CSTA: variants seen among roughly 807,000 people sequenced by gnomAD.
CSTA encodes the protein cystatin A.
A neutral mutation model predicts 9.2 loss-of-function variants in CSTA; 9 were observed. The observed-to-expected ratio is 0.97, with a 90% CI of 0.59 to 1.70. CSTA has a LOEUF of 1.70. Ranked by LOEUF, CSTA falls within the 40% of genes most tolerant of loss-of-function variation. The probability of loss-of-function intolerance (pLI) is 0.00; values close to 1 mark genes in which losing one functional copy is unlikely to be tolerated. For synonymous variants in CSTA, 36 were observed against 40.6 expected, an observed-to-expected ratio of 0.89 and a Z score of 0.43; for missense variants, 118 against 113.1, an observed-to-expected ratio of 1.04 and a Z score of -0.20.
chr3:122,332,849 T>C (rs538458490), intron 1 of CSTA, among the ~76,000 whole-genome samples: 21 of 152,322 alleles, frequency 1.4e-4, no homozygotes, highest in African/African-American at 4.1e-4. Flanking sequence ...CCAGCTGGCC[T>C]GCATCCTCCT....
chr3:122,333,193 G>C (rs1473982254), intron 1 of CSTA, among the ~76,000 whole-genome samples: 1 of 152,158 alleles, frequency 6.6e-6, no homozygotes, highest in Non-Finnish European at 1.5e-5. Context: ...TAAAGATTTG[G>C]ATATATTTCT....
Position 122,338,488 on chromosome 3 carries a change from G to T in CSTA, c.168+840G>T, listed in dbSNP as rs2075247836. 3.7e-5 allele frequency among the ~76,000 whole-genome samples: 4 copies of T among 108,308 alleles called. No individual in the cohort carries two copies. The East Asian group carries it at 8.5e-4, about 23-fold the overall frequency. 71.1% of individuals were successfully genotyped at this position (108,308 alleles called of 152,430 possible). On this transcript the variant is annotated intron_variant, in intron 2 of 2. Transcript: ENST00000264474. ...CTATTAAAATATAAACATTTTAAAA[G>T]ATTTTTTCAGCAAAAAAAAAAAAAA... is the stretch of plus-strand genomic sequence containing the variant.
chr3:122,333,172 G>A (rs1397221606), intron 1 of CSTA, among the ~76,000 whole-genome samples: 1 of 152,156 alleles, frequency 6.6e-6, no homozygotes, highest in South Asian at 2.1e-4. Flanking sequence ...ACACAGATAC[G>A]ATGGAAAAGT....
Position 122,341,616 on chromosome 3 carries a change from T to C in CSTA, c.*49T>C. On this transcript the variant is annotated 3_prime_UTR_variant, in exon 3 of 3. Transcript: ENST00000264474. ...ATTCCTTCAACTGGCTACTGAGTCA[T>C]GATCCTTGCTGATAAATATAACCAT... 1.2e-6 allele frequency: 2 copies of C among 1,605,640 alleles called. No individual in the cohort carries two copies. Among genetic ancestry groups the C allele is most frequent in the Non-Finnish European group, 1.7e-6 (2 of 1,172,824 alleles).
intron 1 of CSTA, among the ~76,000 whole-genome samples, chr3:122,333,591 G>GAAAGA (rs1476620388): frequency 5.4e-5 from 6 of 111,272 alleles, no homozygotes; most frequent in African/African-American, 6.8e-5. Context: ...AAGAAAGAAA[G>GAAAGA]AAGAAAGAGA....
intron 1 of CSTA, among the ~76,000 whole-genome samples, chr3:122,328,555 G>A (rs1271879305): frequency 1.3e-5 from 2 of 149,834 alleles, no homozygotes; most frequent in Admixed American, 6.7e-5. Flanking sequence ...CACCCCCAGT[G>A]TTTGACTGCC....
intron 1 of CSTA, among the ~76,000 whole-genome samples, chr3:122,337,243 T>C (rs1216271252): frequency 6.6e-6 from 1 of 152,242 alleles, no homozygotes; most frequent in Non-Finnish European, 1.5e-5. Flanking sequence ...TAGTAATTAT[T>C]GCTCCACTGA....
At chr3:122,325,966 A>T (rs570621252) in intron 1 of CSTA, among the ~76,000 whole-genome samples, 8 of 152,308 alleles carry the variant, frequency 5.3e-5, no homozygotes, top group Admixed American at 3.3e-4. Context: ...GGAAAAATAG[A>T]ACTCAATGTT....
At chr3:122,333,540 G>GAAGAAAGAAGAAAGA (rs2075216490) in intron 1 of CSTA, among the ~76,000 whole-genome samples, 1 of 112,078 alleles carries the variant, frequency 8.9e-6, no homozygotes, top group Non-Finnish European at 1.8e-5. Flanking sequence ...AGAAAAGAAA[G>GAAGAAAGAAGAAAGA]AAGAAAGAAA....
Position 122,325,317 on chromosome 3 carries a change from G to T in CSTA, c.25G>T (p.Ala9Ser), listed in dbSNP as rs2075164863. The change falls in exon 1 of 3, where the codon GCC becomes TCC. Residue 9 changes from alanine to serine, a missense_variant. By Grantham distance (99) the Ala-to-Ser change is moderately conservative. Transcript: ENST00000264474. ...AATGATACCTGGAGGCTTATCTGAG[G>T]CCAAACCCGCCACTCCAGAAATCCA... Reference protein sequence around the residue: MIPGGLSEAKPATPEIQEI... With the variant: MIPGGLSESKPATPEIQEI... 6.2e-7 allele frequency: 1 copy of T among 1,612,520 alleles called. No individual in the cohort carries two copies. Among genetic ancestry groups the T allele is most frequent in the East Asian group, 2.2e-5 (1 of 44,850 alleles).
chr3:122,336,846 C>T (rs1283298052), intron 1 of CSTA, among the ~76,000 whole-genome samples: 4 of 152,156 alleles, frequency 2.6e-5, no homozygotes, highest in African/African-American at 9.7e-5. Flanking sequence ...ATAATACTAA[C>T]ATAAGAGGAG....
chr3:122,329,157 G>A (rs1029682902), intron 1 of CSTA, among the ~76,000 whole-genome samples: 15 of 151,376 alleles, frequency 9.9e-5, no homozygotes, highest in South Asian at 2.1e-4. Flanking sequence ...TAGTAGAGAC[G>A]GGGTTTCACC....
intron 2 of CSTA, 26 bp downstream of exon 2, chr3:122,337,674 G>T: frequency 7.6e-7 from 1 of 1,322,314 alleles, no homozygotes; most frequent in Non-Finnish European, 1.1e-6. Context: ...CTACTTTAGC[G>T]CCAAAAGATG....
chr3:122,337,102 C>T (rs1488452136), intron 1 of CSTA, among the ~76,000 whole-genome samples: 1 of 152,136 alleles, frequency 6.6e-6, no homozygotes, highest in East Asian at 1.9e-4. Context: ...TTAATTTCCT[C>T]ATTTTGGTGA....
chr3:122,332,336 T>C (rs73186059), intron 1 of CSTA, among the ~76,000 whole-genome samples: 18,176 of 152,188 alleles, frequency 0.12, 1,391 homozygotes, highest in Middle Eastern at 0.26. Flanking sequence ...TCCTTCTTCC[T>C]TCAAAACATA....
rs1183822233 is a variant in CSTA at position 122,325,329 on chromosome 3, A to G, written c.37A>G (p.Thr13Ala). The G allele has an allele frequency of 6.2e-7, 1 of 1,614,186 alleles. No homozygotes were observed. The part of the protein sequence containing the change: ...PGGLSEAKPA[T>A]PEIQEIVDKV... ...AGGCTTATCTGAGGCCAAACCCGCC[A>G]CTCCAGAAATCCAGGAGATTGTTGA... Residue 13 changes from threonine to alanine, a missense_variant, in exon 1 of 3, where the codon ACT becomes GCT. Coordinates refer to ENST00000264474, the MANE Select transcript of CSTA (RefSeq NM_005213.4).
chr3:122,330,422 A>G (rs1254026268), intron 1 of CSTA, among the ~76,000 whole-genome samples: 1 of 152,196 alleles, frequency 6.6e-6, no homozygotes, highest in Non-Finnish European at 1.5e-5. Flanking sequence ...TGTCAAAGAC[A>G]AATGATAACT....
At chr3:122,334,065 A>G (rs912348962) in intron 1 of CSTA, among the ~76,000 whole-genome samples, 1 of 152,154 alleles carries the variant, frequency 6.6e-6, no homozygotes, top group Admixed American at 6.5e-5. Context: ...ACCCTAAGAC[A>G]ATAACCTGTT....
Position 122,332,269 on chromosome 3 carries a change from T to C in CSTA, c.67-5278T>C, listed in dbSNP as rs149631317. 6.6e-5 allele frequency among the ~76,000 whole-genome samples: 10 copies of C among 152,318 alleles called. No homozygotes were observed. In the East Asian group the frequency reaches 1.9e-3, roughly 29 times the overall value. On this transcript the variant is annotated intron_variant, in intron 1 of 2. Transcript: ENST00000264474. ...CTATTCTCCTCTCTTCAGCCAGTCC[T>C]TCCTCTCTTAGCCAGGTGACTTCAT...
Sources: allele counts gnomAD v4.1 joint callset (sites outside exome capture counted in the v4.1 genomes callset), GRCh38; gene constraint gnomAD v4.1.1; transcripts MANE v1.5; gene names NCBI Gene and HGNC (gene_info 2026-07-23, HGNC 2026-07-21).